The following CFAP20DC variants were observed in gnomAD, a reference collection of about 807,000 sequenced individuals.
The protein encoded by CFAP20DC is protein CFAP20DC.
Under a neutral mutation model 101.7 loss-of-function variants are expected in CFAP20DC, and 84 were observed. The ratio of observed to expected loss-of-function variants is 0.83; its 90% confidence interval spans 0.69 to 0.99. The LOEUF (loss-of-function observed/expected upper bound fraction) is 0.99. Among genes scored for constraint, CFAP20DC ranks in the 50% least tolerant of loss-of-function variants. The probability of loss-of-function intolerance (pLI) is 0.00; values close to 1 mark genes in which losing one functional copy is unlikely to be tolerated. For synonymous variants in CFAP20DC, 359 were observed against 351.2 expected, an observed-to-expected ratio of 1.02 and a Z score of -0.25; for missense variants, 1,007 against 970.3, an observed-to-expected ratio of 1.04 and a Z score of -0.50.
At chr3:58,730,678 T>G (rs577976887) in intron 3 of CFAP20DC, among the ~76,000 whole-genome samples, 1 of 152,326 alleles carries the variant, frequency 6.6e-6, no homozygotes, top group African/African-American at 2.4e-5. Flanking sequence ...GGAGAAAGAC[T>G]ATGAATGAAG....
At chr3:58,947,783 G>A (rs1299340512) in intron 4 of CFAP20DC, among the ~76,000 whole-genome samples, 1 of 152,158 alleles carries the variant, frequency 6.6e-6, no homozygotes, top group Non-Finnish European at 1.5e-5. Context: ...GCAGGAGTGA[G>A]GGAGCAGGGA....
At position 59,007,546 on chromosome 3, in the gene CFAP20DC, A is replaced by G. The variant is rs776624737; in HGVS notation, c.278+32011T>C. Among the ~76,000 whole-genome samples the G allele has an allele frequency of 2.0e-5, 3 of 152,246 alleles. No homozygotes were observed. The highest frequency in any genetic ancestry group is 4.4e-5 in the Non-Finnish European group (3 of 68,036). Reference sequence around the variant, plus strand: ...TCCATGCGACAACTTCACTGCTAGCATAACCAGCATTTGAGAAAGCCAGAA... The same window carrying G: ...TCCATGCGACAACTTCACTGCTAGCGTAACCAGCATTTGAGAAAGCCAGAA... On this transcript the variant is annotated intron_variant, in intron 4 of 16. Coordinates refer to ENST00000482387, the MANE Select transcript of CFAP20DC (RefSeq NM_001394063.1). This position sits in a 1 kb window ranked among gnomAD's most constrained non-coding sequence, Gnocchi z 4.4.
At chr3:59,037,300 G>C (rs1011101579) in intron 4 of CFAP20DC, among the ~76,000 whole-genome samples, 3 of 151,992 alleles carry the variant, frequency 2.0e-5, no homozygotes, top group Non-Finnish European at 4.4e-5. Context: ...TTAAACTAAA[G>C]AGCTTCTGCA....
chr3:58,954,126 T>A lies in CFAP20DC; in HGVS notation c.279-16364A>T, dbSNP rs115070597. ...TCTACATTTGCAAACCACTTGAAAGTAAAATTACTTTTCAATTCAATTTTC... is the reference window on the plus strand; with the variant it reads ...TCTACATTTGCAAACCACTTGAAAGAAAAATTACTTTTCAATTCAATTTTC... On this transcript the variant is annotated intron_variant, in intron 4 of 16. Transcript: ENST00000482387. 3.0e-3 allele frequency among the ~76,000 whole-genome samples: 461 copies of A among 152,360 alleles called. 2 individuals are homozygous for A. The highest frequency in any genetic ancestry group is 0.011 in the African/African-American group (447 of 41,590).
At chr3:58,969,041 C>G (rs2091778394) in intron 4 of CFAP20DC, among the ~76,000 whole-genome samples, 1 of 152,088 alleles carries the variant, frequency 6.6e-6, no homozygotes, top group African/African-American at 2.4e-5. Flanking sequence ...TATTTCTAGG[C>G]TCTCTATTCT....
chr3:58,765,201 C>T (rs192029864), intron 15 of CFAP20DC, among the ~76,000 whole-genome samples: 30 of 151,964 alleles, frequency 2.0e-4, no homozygotes, highest in African/African-American at 2.9e-4. Flanking sequence ...ATTGTGTTTA[C>T]GAGACAATTT....
At chr3:58,985,541 C>G (rs2092721990) in intron 4 of CFAP20DC, among the ~76,000 whole-genome samples, 1 of 152,142 alleles carries the variant, frequency 6.6e-6, no homozygotes, top group African/African-American at 2.4e-5. Flanking sequence ...TTCTTCAGAT[C>G]CATCTATCAT....
chr3:58,805,412 C>T (rs574992826), intron 15 of CFAP20DC, among the ~76,000 whole-genome samples: 2 of 152,204 alleles, frequency 1.3e-5, no homozygotes, highest in South Asian at 2.1e-4. Flanking sequence ...AATACAGCCC[C>T]GTATCTTACT....
At chr3:59,025,285 C>T (rs1353511997) in intron 4 of CFAP20DC, among the ~76,000 whole-genome samples, 1 of 152,024 alleles carries the variant, frequency 6.6e-6, no homozygotes, top group African/African-American at 2.4e-5. Context: ...AGAGAACTTG[C>T]ATAAGTCAAT....
chr3:58,808,062 C>T (rs138637435), intron 14 of CFAP20DC, among the ~76,000 whole-genome samples: 1,786 of 152,154 alleles, frequency 0.012, 44 homozygotes, highest in African/African-American at 0.04. Context: ...TATGGGACTA[C>T]GTGAAAAGAC....
At chr3:58,987,480 TAAGAA>T (rs2092790549) in intron 4 of CFAP20DC, among the ~76,000 whole-genome samples, 1 of 151,906 alleles carries the variant, frequency 6.6e-6, no homozygotes, top group African/African-American at 2.4e-5. Context: ...AAAGAAGGAT[TAAGAA>T]AATAATTGAA....
chr3:59,027,194 A>G (rs1208595636), intron 4 of CFAP20DC, among the ~76,000 whole-genome samples: 1 of 152,206 alleles, frequency 6.6e-6, no homozygotes, highest in East Asian at 1.9e-4. Flanking sequence ...TACAATTTCA[A>G]ATTCAGAATA....
chr3:58,832,784 G>T (rs1364347929), intron 13 of CFAP20DC, among the ~76,000 whole-genome samples: 1 of 152,194 alleles, frequency 6.6e-6, no homozygotes. Flanking sequence ...AAATTGGCAT[G>T]TAGACTTTTC....
intron 13 of CFAP20DC, among the ~76,000 whole-genome samples, chr3:58,833,958 G>A (rs967329341): frequency 6.6e-6 from 1 of 152,126 alleles, no homozygotes; most frequent in African/African-American, 2.4e-5. Flanking sequence ...GCCACATATT[G>A]TGTGATTTAC....
At chr3:58,921,408 A>G (rs780301205) in intron 5 of CFAP20DC, among the ~76,000 whole-genome samples, 27 of 152,096 alleles carry the variant, frequency 1.8e-4, no homozygotes, top group Non-Finnish European at 2.9e-4. Flanking sequence ...ACTGCTTCAG[A>G]TACATCCCAC....
intron 4 of CFAP20DC, among the ~76,000 whole-genome samples, chr3:58,993,693 T>C (rs1393226874): frequency 6.6e-6 from 1 of 152,212 alleles, no homozygotes; most frequent in Admixed American, 6.5e-5. Flanking sequence ...TTTGGTTTTC[T>C]GTTCCTGCAT....
At position 58,795,007 on chromosome 3, in the gene CFAP20DC, A is replaced by T. The variant is rs886766040; in HGVS notation, c.2237+11388T>A. Reference sequence around the variant, plus strand: ...GGATGTGACTGGCTGTAGCCATTTAACAATAATTACGGTCTTCCATTTTTT... The same window carrying T: ...GGATGTGACTGGCTGTAGCCATTTATCAATAATTACGGTCTTCCATTTTTT... On this transcript the variant is annotated intron_variant, in intron 15 of 16. Transcript: ENST00000482387. This position sits in a 1 kb window ranked among gnomAD's most constrained non-coding sequence, Gnocchi z 4.2. Among the ~76,000 whole-genome samples, 1 of 152,188 alleles carries T rather than the reference A, an allele frequency of 6.6e-6. No homozygotes were observed. Among genetic ancestry groups the T allele is most frequent in the Non-Finnish European group, 1.5e-5 (1 of 68,038 alleles).
chr3:58,904,547 A>G lies in CFAP20DC; in HGVS notation c.550+9161T>C, dbSNP rs375677912. On this transcript the variant is annotated intron_variant, in intron 6 of 16. Transcript: ENST00000482387. The stretch of plus-strand genomic sequence containing the variant: ...CTAATGAGATTTGGGTATGATGTGC[A>G]TTCACCTGATTTGGAGATGAAAATA... Among the ~76,000 whole-genome samples the G allele has an allele frequency of 1.9e-4, 29 of 152,274 alleles. No individual in the cohort carries two copies. In the East Asian group the frequency reaches 4.1e-3, roughly 21 times the overall value.
At chr3:58,761,379 A>G (rs1443550932) in intron 15 of CFAP20DC, among the ~76,000 whole-genome samples, 1 of 151,996 alleles carries the variant, frequency 6.6e-6, no homozygotes, top group Non-Finnish European at 1.5e-5. Context: ...ATTGGTGGTG[A>G]TATCCCCTTT....
Sources: allele counts gnomAD v4.1 joint callset (sites outside exome capture counted in the v4.1 genomes callset), GRCh38; gene constraint gnomAD v4.1.1; non-coding constraint Gnocchi (gnomAD v3.1); transcripts MANE v1.5; gene names NCBI Gene and HGNC (gene_info 2026-07-23, HGNC 2026-07-21).